Variants in FHIT observed in about 807,000 individuals in gnomAD.
FHIT encodes fragile histidine triad diadenosine triphosphatase.
A neutral mutation model predicts 17.9 loss-of-function variants in FHIT; 19 were observed. The observed-to-expected ratio is 1.06, with a 90% CI of 0.74 to 1.56. The LOEUF (loss-of-function observed/expected upper bound fraction) is 1.56. Among genes scored for constraint, FHIT ranks in the 40% most tolerant of loss-of-function variants. FHIT has a pLI of 0.00. For missense variants in FHIT, 248 were observed against 189.2 expected (o/e 1.31, Z -1.82); for synonymous variants, 81 against 69.7 (o/e 1.16, Z -0.81).
chr3:60,856,255 TG>T (rs1559774456), intron 3 of FHIT: 1 of 151,534 alleles, frequency 6.6e-6, no homozygotes, highest in Non-Finnish European at 1.5e-5. Flanking sequence ...GGCACAGATC[TG>T]GGGGGGAAAG....
intron 4 of FHIT, among the ~76,000 whole-genome samples, chr3:60,605,125 G>C (rs1446912363): frequency 1.3e-5 from 2 of 152,180 alleles, no homozygotes; most frequent in African/African-American, 4.8e-5. Context: ...GAGAGAGAGA[G>C]AGAGATGCAG....
At chr3:60,226,943 G>A (rs1371550774) in intron 5 of FHIT, among the ~76,000 whole-genome samples, 1 of 152,056 alleles carries the variant, frequency 6.6e-6, no homozygotes, top group Non-Finnish European at 1.5e-5. Context: ...TTAATTTAAA[G>A]GAAAATCAAA....
At chr3:59,962,998 G>A (rs1707755743) in intron 7 of FHIT, among the ~76,000 whole-genome samples, 1 of 152,196 alleles carries the variant, frequency 6.6e-6, no homozygotes, top group African/African-American at 2.4e-5. Context: ...GCCCATGCCT[G>A]TAATCCCAGC....
chr3:60,093,483 C>G (rs192757784), intron 5 of FHIT, among the ~76,000 whole-genome samples: 3 of 152,290 alleles, frequency 2.0e-5, no homozygotes, highest in Non-Finnish European at 2.9e-5. Flanking sequence ...ATTCCATCTG[C>G]AACCTTAATT....
chr3:60,453,051 G>C (rs941664198), intron 5 of FHIT, among the ~76,000 whole-genome samples: 5 of 152,136 alleles, frequency 3.3e-5, no homozygotes, highest in Non-Finnish European at 7.3e-5. Flanking sequence ...ACTTCCTTTA[G>C]GAAATGCTAA....
chr3:60,624,744 CTTCT>C (rs1388346089), intron 4 of FHIT, among the ~76,000 whole-genome samples: 18 of 152,270 alleles, frequency 1.2e-4, no homozygotes, highest in African/African-American at 4.1e-4. Flanking sequence ...TTCTGACTGG[CTTCT>C]TTCACTTACT....
chr3:60,136,468 T>G (rs1236557376), intron 5 of FHIT, among the ~76,000 whole-genome samples: 1 of 152,158 alleles, frequency 6.6e-6, no homozygotes, highest in East Asian at 1.9e-4. Context: ...GAAGACAATC[T>G]AACCCCTGGT....
At chr3:59,945,308 C>T (rs571339675) in intron 7 of FHIT, among the ~76,000 whole-genome samples, 70 of 152,088 alleles carry the variant, frequency 4.6e-4, no homozygotes, top group Non-Finnish European at 8.1e-4. Flanking sequence ...GCTTGTTGGC[C>T]TCATGTATGT....
At chr3:60,227,789 CCCCACA>C (rs1704288527) in intron 5 of FHIT, among the ~76,000 whole-genome samples, 11 of 152,118 alleles carry the variant, frequency 7.2e-5, no homozygotes, top group Non-Finnish European at 1.6e-4. Context: ...GTGACTGATT[CCCCACA>C]TGGCTTCCAA....
intron 4 of FHIT, among the ~76,000 whole-genome samples, chr3:60,675,729 T>C (rs1046053696): frequency 2.0e-5 from 3 of 152,226 alleles, no homozygotes; most frequent in Non-Finnish European, 2.9e-5. Context: ...TTAATGACAC[T>C]GGCTTGCAAA....
At position 60,814,909 on chromosome 3, in the gene FHIT, GTT is replaced by G. The variant is rs1217616849; in HGVS notation, c.-18+7008_-18+7009del. On this transcript the variant is annotated intron_variant, in intron 4 of 9. Transcript: ENST00000492590. ...TGTTTAGTTTTGTTTTGTTTTTGTTGTTTTTTTTTTTTTTACTTTAGCCATTC... is the reference window on the plus strand; with the variant it reads ...TGTTTAGTTTTGTTTTGTTTTTGTTGTTTTTTTTTTTTACTTTAGCCATTC... Among the ~76,000 whole-genome samples, 220 of 134,062 alleles carry G rather than the reference GTT, an allele frequency of 1.6e-3. 2 individuals carry two copies. Among genetic ancestry groups the G allele is most frequent in the African/African-American group, 5.2e-3 (192 of 36,938 alleles). 87.9% of individuals were successfully genotyped at this position (134,062 alleles called of 152,430 possible).
chr3:60,444,856 T>A (rs532674478), intron 5 of FHIT, among the ~76,000 whole-genome samples: 81 of 151,460 alleles, frequency 5.3e-4, no homozygotes, highest in Middle Eastern at 3.4e-3. Flanking sequence ...AAAAAAAATT[T>A]TAAAAAAAAA....
At chr3:60,964,247 T>C (rs1372355357) in intron 3 of FHIT, among the ~76,000 whole-genome samples, 5 of 151,756 alleles carry the variant, frequency 3.3e-5, no homozygotes, top group African/African-American at 4.9e-5. Context: ...GAGACTAGGA[T>C]TGCAACCCCT....
chr3:61,095,768 C>T (rs1283446440), intron 2 of FHIT, among the ~76,000 whole-genome samples: 1 of 152,242 alleles, frequency 6.6e-6, no homozygotes, highest in Non-Finnish European at 1.5e-5. Context: ...TGACACCTGT[C>T]CCCTCTCTTC....
intron 1 of FHIT, among the ~76,000 whole-genome samples, chr3:61,229,656 A>C (rs1220695539): frequency 1.3e-5 from 2 of 152,146 alleles, no homozygotes; most frequent in African/African-American, 4.8e-5. Context: ...GAGATTAAGG[A>C]GGTATGTCAA....
intron 3 of FHIT, among the ~76,000 whole-genome samples, chr3:60,911,165 C>T (rs1553765767): frequency 6.6e-6 from 1 of 152,006 alleles, no homozygotes; most frequent in Non-Finnish European, 1.5e-5. Flanking sequence ...TATAAGGAAC[C>T]GGCAGGGAAC....
chr3:59,986,532 T>C (rs13068123), intron 7 of FHIT, among the ~76,000 whole-genome samples: 5,048 of 12,028 alleles, frequency 0.42, 640 homozygotes, highest in Middle Eastern at 0.5. Flanking sequence ...TATATATATA[T>C]ATATATATAC....
At chr3:59,953,508 T>C (rs1707231803) in intron 7 of FHIT, among the ~76,000 whole-genome samples, 1 of 152,192 alleles carries the variant, frequency 6.6e-6, no homozygotes, top group African/African-American at 2.4e-5. Flanking sequence ...CGCAGACGCC[T>C]ACCTTGGTCG....
chr3:60,894,966 A>T (rs1375696058), intron 3 of FHIT, among the ~76,000 whole-genome samples: 1 of 152,212 alleles, frequency 6.6e-6, no homozygotes, highest in Non-Finnish European at 1.5e-5. Context: ...GATCAAAATC[A>T]GGGACTTTAA....
Sources: gnomAD v4.1 joint callset for allele counts (sites outside exome capture counted in the v4.1 genomes callset) on GRCh38, gnomAD v4.1.1 for gene constraint, MANE v1.5 for transcripts, NCBI Gene and HGNC (gene_info 2026-07-23, HGNC 2026-07-21) for gene names.